LSAMP: variants seen among roughly 807,000 people sequenced by gnomAD.
LSAMP encodes the protein limbic system-associated membrane protein.
A neutral mutation model predicts 38.6 loss-of-function variants in LSAMP; 7 were observed. That is an observed-to-expected ratio of 0.18 (90% CI 0.10 to 0.34). The LOEUF is 0.34. Ranked by LOEUF, LSAMP falls within the 10% of genes least tolerant of loss-of-function variation. The pLI is 1.00. For synonymous variants in LSAMP, 154 were observed against 166.8 expected, an observed-to-expected ratio of 0.92 and a Z score of 0.59; for missense variants, 313 against 420.0, an observed-to-expected ratio of 0.75 and a Z score of 2.23.
At chr3:115,883,527 C>T (rs1264325785) in intron 3 of LSAMP, among the ~76,000 whole-genome samples, 2 of 151,906 alleles carry the variant, frequency 1.3e-5, no homozygotes, top group African/African-American at 4.8e-5. Flanking sequence ...TCTGAATGCA[C>T]TGGAAGGGAT....
chr3:115,884,898 T>A (rs1033244317), intron 3 of LSAMP, among the ~76,000 whole-genome samples: 3 of 152,036 alleles, frequency 2.0e-5, no homozygotes, highest in Admixed American at 2.0e-4. Context: ...TTCCTTTAGA[T>A]GTGGAGTGTA....
At chr3:116,032,913 A>C (rs1007376580) in intron 2 of LSAMP, among the ~76,000 whole-genome samples, 1 of 152,178 alleles carries the variant, frequency 6.6e-6, no homozygotes, top group Non-Finnish European at 1.5e-5. Flanking sequence ...ACTAGAGATA[A>C]GAAAGTCTGG....
chr3:115,939,319 C>T (rs1937814882), intron 3 of LSAMP, among the ~76,000 whole-genome samples: 1 of 152,038 alleles, frequency 6.6e-6, no homozygotes, highest in African/African-American at 2.4e-5. Flanking sequence ...CAGGCATTGA[C>T]CTCATCTAGG....
chr3:116,131,413 A>G (rs1709130820), intron 1 of LSAMP, among the ~76,000 whole-genome samples: 1 of 152,176 alleles, frequency 6.6e-6, no homozygotes, highest in African/African-American at 2.4e-5. Context: ...AGGTACAGGC[A>G]TGTGACCCAA....
rs1467770215 is a variant in LSAMP at position 115,842,452 on chromosome 3, A to T, written c.770+6T>A. On this transcript the variant is annotated splice_donor_region_variant and intron_variant, in intron 5 of 6. Coordinates refer to ENST00000490035, the MANE Select transcript of LSAMP (RefSeq NM_002338.5). ...AGTCATGGGGGATGGTAGGTTTGGC[A>T]CATACCTAGTGTCATCCCGGTACCA... 2 of 1,613,382 alleles carry T rather than the reference A, an allele frequency of 1.2e-6. No homozygotes were observed. The highest frequency in any genetic ancestry group is 1.7e-5 in the Admixed American group (1 of 60,000).
chr3:116,420,704 C>G (rs892936615), intron 1 of LSAMP, among the ~76,000 whole-genome samples: 1 of 151,792 alleles, frequency 6.6e-6, no homozygotes, highest in African/African-American at 2.4e-5. Context: ...AACCCCATCT[C>G]TAATTTTAAA....
rs917981598 is a variant in LSAMP at position 116,413,704 on chromosome 3, C to A, written c.155+31173G>T. Among the ~76,000 whole-genome samples, 7 of 152,004 alleles carry A rather than the reference C, an allele frequency of 4.6e-5. No homozygotes were observed. In the South Asian group the frequency reaches 8.3e-4, roughly 18 times the overall value. On this transcript the variant is annotated intron_variant, in intron 1 of 6. Coordinates refer to ENST00000490035, the MANE Select transcript of LSAMP (RefSeq NM_002338.5). Reference sequence around the variant, plus strand: ...CACTCTGCATCAAAGGGTATGGGTACAAATTATCCACAGAAAAAGTCTCAG... The same window carrying A: ...CACTCTGCATCAAAGGGTATGGGTAAAAATTATCCACAGAAAAAGTCTCAG...
At chr3:116,162,307 C>G (rs1410531834) in intron 1 of LSAMP, among the ~76,000 whole-genome samples, 1 of 152,132 alleles carries the variant, frequency 6.6e-6, no homozygotes, top group African/African-American at 2.4e-5. Flanking sequence ...ATATCCTGCA[C>G]AGCTTGGTGA....
chr3:116,263,787 T>C (rs1316771974), intron 1 of LSAMP, among the ~76,000 whole-genome samples: 1 of 152,194 alleles, frequency 6.6e-6, no homozygotes, highest in Non-Finnish European at 1.5e-5. Flanking sequence ...TGTATTAATC[T>C]TCATAGAAAA....
intron 2 of LSAMP, among the ~76,000 whole-genome samples, chr3:116,062,083 C>A (rs1941603775): frequency 6.6e-6 from 1 of 152,128 alleles, no homozygotes; most frequent in South Asian, 2.1e-4. Flanking sequence ...AAAACATGTT[C>A]ATAAACTACT....
intron 1 of LSAMP, among the ~76,000 whole-genome samples, chr3:116,109,838 C>T (rs184054847): frequency 3.1e-4 from 44 of 143,370 alleles, no homozygotes; most frequent in Admixed American, 1.8e-3. Context: ...GGAAGGGGTT[C>T]GGGGGTTCTT....
chr3:116,226,733 C>T (rs1395807868), intron 1 of LSAMP, among the ~76,000 whole-genome samples: 6 of 152,206 alleles, frequency 3.9e-5, no homozygotes, highest in African/African-American at 4.8e-5. Context: ...TTGTGTGTGT[C>T]GTGTAGACAC....
At chr3:116,250,783 C>A (rs1236483933) in intron 1 of LSAMP, among the ~76,000 whole-genome samples, 1 of 151,878 alleles carries the variant, frequency 6.6e-6, no homozygotes, top group Admixed American at 6.6e-5. Flanking sequence ...GGTAGGGGAT[C>A]ACTTGGGCCT....
At chr3:115,894,459 G>C (rs1017285659) in intron 3 of LSAMP, among the ~76,000 whole-genome samples, 4 of 151,948 alleles carry the variant, frequency 2.6e-5, no homozygotes, top group Non-Finnish European at 5.9e-5. Context: ...GAGTGAGATG[G>C]GAGAATGAAC....
rs12330460 is a variant in LSAMP, at chr3:116,324,482, G to A, written c.155+120395C>T. Among the ~76,000 whole-genome samples, 1,351 of 152,262 alleles carry A rather than the reference G, an allele frequency of 8.9e-3. 23 individuals carry two copies. The highest frequency in any genetic ancestry group is 0.031 in the African/African-American group (1,277 of 41,554). On this transcript the variant is annotated intron_variant, in intron 1 of 6. Transcript: ENST00000490035. Reference sequence around the variant, plus strand: ...ATAATGATTAGCAAGGACACAGAAAGACACAGTTTCTACTCCTGATCTATA... The same window carrying A: ...ATAATGATTAGCAAGGACACAGAAAAACACAGTTTCTACTCCTGATCTATA...
chr3:116,053,787 G>A (rs1941439585), intron 2 of LSAMP, among the ~76,000 whole-genome samples: 1 of 152,154 alleles, frequency 6.6e-6, no homozygotes, highest in African/African-American at 2.4e-5. Context: ...CTTTTTGCGT[G>A]GGAGAGTAAT....
intron 3 of LSAMP, among the ~76,000 whole-genome samples, chr3:115,931,134 T>C (rs1222607972): frequency 6.6e-6 from 1 of 152,128 alleles, no homozygotes; most frequent in Non-Finnish European, 1.5e-5. Context: ...CACTTCCTCC[T>C]TCCACCCGGG....
intron 3 of LSAMP, among the ~76,000 whole-genome samples, chr3:115,992,110 C>T (rs926839054): frequency 2.0e-5 from 3 of 152,080 alleles, no homozygotes; most frequent in Non-Finnish European, 2.9e-5. Flanking sequence ...GCAGCACATA[C>T]ATTTTGTATA....
chr3:115,981,666 A>G (rs1287263355), intron 3 of LSAMP, among the ~76,000 whole-genome samples: 2 of 152,146 alleles, frequency 1.3e-5, no homozygotes, highest in African/African-American at 4.8e-5. Context: ...AGAAGCATGA[A>G]GGTCACTTGC....
Sources: allele counts gnomAD v4.1 joint callset (sites outside exome capture counted in the v4.1 genomes callset), GRCh38; gene constraint gnomAD v4.1.1; transcripts MANE v1.5; gene names NCBI Gene and HGNC (gene_info 2026-07-23, HGNC 2026-07-21).